SLC6A9: variants seen among roughly 807,000 people sequenced by gnomAD.
SLC6A9 encodes sodium- and chloride-dependent glycine transporter 1.
Under a neutral mutation model 70.9 loss-of-function variants are expected in SLC6A9, and 31 were observed. The observed-to-expected ratio is 0.44, with a 90% confidence interval of 0.33 to 0.59. SLC6A9 has a LOEUF of 0.59. SLC6A9 is among the 20% of genes least tolerant of loss of function. The pLI is 0.04. For missense variants in SLC6A9, 631 were observed against 845.2 expected, an observed-to-expected ratio of 0.75 and a Z score of 3.14; for synonymous variants, 310 against 341.3, an observed-to-expected ratio of 0.91 and a Z score of 1.01.
At chr1:44,027,896 A>G (rs2087011643) in intron 1 of SLC6A9, among the ~76,000 whole-genome samples, 1 of 152,174 alleles carries the variant, frequency 6.6e-6, no homozygotes, top group Non-Finnish European at 1.5e-5. Context: ...AATCACTTGA[A>G]TCCAGGAGGC....
chr1:44,001,474 G>T lies in SLC6A9; in HGVS notation c.1116C>A (p.Pro372=). 1 of 1,614,206 alleles carries T rather than the reference G, an allele frequency of 6.2e-7. No individual in the cohort carries two copies. Among genetic ancestry groups the T allele is most frequent in the Non-Finnish European group, 8.5e-7 (1 of 1,180,024 alleles). ...HGPGLAFVAY[P]EALTLLPISP... is the part of the protein sequence containing the mutation. ...AGATGGGAAGTAGTGTGAGGGCCTC[G>T]GGGTAAGCCACGAAGGCCAGGCCAG... The change falls in exon 9 of 14, where the codon CCC becomes CCA. Residue 372 remains proline, a synonymous_variant. Coordinates refer to ENST00000372310, the MANE Select transcript of SLC6A9 (RefSeq NM_001024845.3).
At chr1:44,009,438 T>A (rs1169982795) in intron 4 of SLC6A9, among the ~76,000 whole-genome samples, 1 of 152,124 alleles carries the variant, frequency 6.6e-6, no homozygotes, top group Non-Finnish European at 1.5e-5. Flanking sequence ...TTAGCCAGTA[T>A]GGTCTTGATC....
Position 43,997,328 on chromosome 1 carries a change from C to T in SLC6A9, c.*217G>A. ...TGGACCTCCCAGCAACCCTCCACTC[C>T]CACCCCTCCCCCCAGCTGCTATCTT... On this transcript the variant is annotated 3_prime_UTR_variant, in exon 14 of 14. Coordinates refer to ENST00000372310, the MANE Select transcript of SLC6A9 (RefSeq NM_001024845.3). This position sits in a 1 kb window ranked among gnomAD's most constrained non-coding sequence, Gnocchi z 4.4. The T allele has an allele frequency of 1.7e-6, 1 of 572,062 alleles. No individual in the cohort carries two copies. Among genetic ancestry groups the T allele is most frequent in the Non-Finnish European group, 3.1e-6 (1 of 324,642 alleles). The allele number at this position is 572,062 out of a possible 1,614,324, so 35.4% of individuals were successfully genotyped here. A position where few individuals can be genotyped will look rare whatever the true frequency, so the allele number is the denominator to read the frequency against.
chr1:44,008,633 G>A lies in SLC6A9; in HGVS notation c.320-10C>T, dbSNP rs776379026. On this transcript the variant is annotated splice_polypyrimidine_tract_variant and intron_variant, in intron 4 of 13. Coordinates refer to ENST00000372310, the MANE Select transcript of SLC6A9 (RefSeq NM_001024845.3). Reference sequence around the variant, plus strand: ...ATACCATAGCCCACTCCTGCAGGAGGGGAGGGGTGGGGGGAGGAGCCTCAG... The same window carrying A: ...ATACCATAGCCCACTCCTGCAGGAGAGGAGGGGTGGGGGGAGGAGCCTCAG... 3 of 1,609,690 alleles carry A rather than the reference G, an allele frequency of 1.9e-6. No homozygotes were observed. The highest frequency in any genetic ancestry group is 2.7e-5 in the African/African-American group (2 of 74,874).
At chr1:44,017,364 G>GAAA (rs2086786449) in intron 2 of SLC6A9, 3 of 1,245,298 alleles carry the variant, frequency 2.4e-6, no homozygotes, top group Admixed American at 8.3e-5. Context: ...CAAGTAACTG[G>GAAA]AACAACACAC....
In SLC6A9 at chr1:43,997,703, C is replaced by T. The variant is rs1298204235; in HGVS notation, c.1744G>A (p.Gly582Ser). Residue 582 changes from glycine (G) to serine (S), a missense_variant, in exon 14 of 14, where the codon GGC becomes AGC. Transcript: ENST00000372310. This position sits in a 1 kb window ranked among gnomAD's most constrained non-coding sequence, Gnocchi z 4.4. Reference sequence around the variant, plus strand: ...GTCCGGTGCTCCAGGAGGGCAGGGCCCCAGTCTCTGCTTGGCTTTGTGGCA... The same window carrying T: ...GTCCGGTGCTCCAGGAGGGCAGGGCTCCAGTCTCTGCTTGGCTTTGTGGCA... Reference protein sequence around the residue: ...KNATKPSRDWGPALLEHRTGR... With the variant: ...KNATKPSRDWSPALLEHRTGR... The T allele has an allele frequency of 1.9e-6, 3 of 1,609,820 alleles. No homozygotes were observed. Among genetic ancestry groups the T allele is most frequent in the Non-Finnish European group, 2.5e-6 (3 of 1,178,588 alleles).
chr1:44,017,973 A>C (rs1260700633), intron 2 of SLC6A9, among the ~76,000 whole-genome samples: 1 of 152,124 alleles, frequency 6.6e-6, no homozygotes, highest in African/African-American at 2.4e-5. Flanking sequence ...TATAGTCACC[A>C]CTACTGTAGT....
At chr1:44,003,729 C>G (rs1359927902) in intron 5 of SLC6A9, among the ~76,000 whole-genome samples, 1 of 53,410 alleles carries the variant, frequency 1.9e-5, no homozygotes, top group African/African-American at 7.5e-5. Context: ...GCCTGGGCAA[C>G]AAAGCAAAAG....
chr1:43,998,817 T>C (rs1196665948), intron 12 of SLC6A9, among the ~76,000 whole-genome samples: 1 of 152,170 alleles, frequency 6.6e-6, no homozygotes, highest in African/African-American at 2.4e-5. Context: ...GGAAGCTCCA[T>C]GGGCTAGAAA....
chr1:44,026,193 T>TA (rs1327795790), intron 1 of SLC6A9, among the ~76,000 whole-genome samples: 8 of 152,222 alleles, frequency 5.3e-5, no homozygotes, highest in African/African-American at 1.9e-4. Flanking sequence ...TGGGGGCAAG[T>TA]AGGGGAAGCG....
At chr1:43,999,709 C>T (rs193094634) in intron 12 of SLC6A9, among the ~76,000 whole-genome samples, 3 of 152,258 alleles carry the variant, frequency 2.0e-5, no homozygotes, top group South Asian at 2.1e-4. Context: ...CAGCCCTCCA[C>T]GGGCCTTTAT....
At chr1:44,021,569 T>G (rs994596126) in intron 2 of SLC6A9, among the ~76,000 whole-genome samples, 3 of 152,184 alleles carry the variant, frequency 2.0e-5, no homozygotes, top group Non-Finnish European at 4.4e-5. Flanking sequence ...GATCCCATGG[T>G]AGGGGCCAGT....
At position 44,001,073 on chromosome 1, in the gene SLC6A9, G is replaced by A. The variant is rs202168733; in HGVS notation, c.1336-18C>T. ...ATGCCTGCCTGGGGAACAGCGGGCAGCTGTGGGAGGCGCCTGCAGCCCGGG... is the reference window on the plus strand; with the variant it reads ...ATGCCTGCCTGGGGAACAGCGGGCAACTGTGGGAGGCGCCTGCAGCCCGGG... On this transcript the variant is annotated intron_variant, in intron 10 of 13. Coordinates refer to ENST00000372310, the MANE Select transcript of SLC6A9 (RefSeq NM_001024845.3). The A allele has an allele frequency of 6.3e-7, 1 of 1,599,312 alleles. No individual in the cohort carries two copies. Among genetic ancestry groups the A allele is most frequent in the Non-Finnish European group, 8.5e-7 (1 of 1,171,214 alleles).
At position 44,002,479 on chromosome 1, in the gene SLC6A9, C is replaced by T. The variant is rs752694518; in HGVS notation, c.858+33G>A. The T allele has an allele frequency of 2.5e-6, 4 of 1,613,904 alleles. No homozygotes were observed. Among genetic ancestry groups the T allele is most frequent in the Admixed American group, 3.3e-5 (2 of 60,000 alleles). On this transcript the variant is annotated intron_variant, in intron 7 of 13. Transcript: ENST00000372310. This position sits in a 1 kb window ranked among gnomAD's most constrained non-coding sequence, Gnocchi z 5.5. ...GAGGCAGGCACCTCCCTGGCCCCTC[C>T]CCAGCCCCCTTCCGGTTTCCCTCAC...
At chr1:44,017,528 G>C (rs2086793428) in intron 2 of SLC6A9, among the ~76,000 whole-genome samples, 1 of 152,240 alleles carries the variant, frequency 6.6e-6, no homozygotes, top group Non-Finnish European at 1.5e-5. Context: ...GGTGTCTGAT[G>C]AGTGACGGGG....
chr1:44,022,722 C>CTTTTTTTTTTT (rs71307650), intron 2 of SLC6A9, among the ~76,000 whole-genome samples: 69 of 118,936 alleles, frequency 5.8e-4, no homozygotes, highest in East Asian at 8.2e-4. Flanking sequence ...TTCTTTCTTT[C>CTTTTTTTTTTT]TTTTTTTTTT....
At chr1:44,024,882 TC>T (rs745654191) in intron 1 of SLC6A9, among the ~76,000 whole-genome samples, 2 of 152,208 alleles carry the variant, frequency 1.3e-5, no homozygotes, top group Non-Finnish European at 2.9e-5. Flanking sequence ...CAGCCGCACC[TC>T]CTTGCACTCC....
intron 4 of SLC6A9, among the ~76,000 whole-genome samples, chr1:44,009,390 T>G (rs2154305785): frequency 6.6e-6 from 1 of 152,056 alleles, no homozygotes; most frequent in Middle Eastern, 3.4e-3. Context: ...AAGCTAATTT[T>G]GTTTTTGTAT....
intron 5 of SLC6A9, among the ~76,000 whole-genome samples, chr1:44,007,570 C>T (rs923049405): frequency 1.3e-5 from 2 of 152,290 alleles, no homozygotes; most frequent in African/African-American, 4.8e-5. Context: ...CCTTCCATGG[C>T]GTCTTTTGTT....
Sources: gnomAD v4.1 joint callset for allele counts (sites outside exome capture counted in the v4.1 genomes callset) on GRCh38, gnomAD v4.1.1 for gene constraint, Gnocchi (gnomAD v3.1) non-coding constraint, MANE v1.5 for transcripts, NCBI Gene and HGNC (gene_info 2026-07-23, HGNC 2026-07-21) for gene names.